The following PEX3 variants were observed in gnomAD, a reference collection of about 807,000 sequenced individuals.
The protein encoded by PEX3 is peroxin-3.
Under a neutral mutation model 55.8 loss-of-function variants are expected in PEX3, and 30 were observed. The ratio of observed to expected loss-of-function variants is 0.54; its 90% confidence interval spans 0.40 to 0.73. The LOEUF (loss-of-function observed/expected upper bound fraction) is 0.73, where lower values mean the gene tolerates loss of function less well. PEX3 is among the 30% of genes least tolerant of loss of function. The pLI, the probability that PEX3 is intolerant of heterozygous loss-of-function variation, is 0.00. For synonymous variants in PEX3, 135 were observed against 148.4 expected (o/e 0.91, Z 0.66); for missense variants, 351 against 432.8 (o/e 0.81, Z 1.68).
chr6:143,484,925 T>C (rs749675078), intron 10 of PEX3: 38 of 501,448 alleles, frequency 7.6e-5, no homozygotes, highest in Non-Finnish European at 1.2e-4. Flanking sequence ...TAGAGGTTTT[T>C]GGTAGACACA....
At chr6:143,478,984 G>T in intron 9 of PEX3, 92 bp from the exon 10 acceptor site, 2 of 733,074 alleles carry the variant, frequency 2.7e-6, no homozygotes, top group Non-Finnish European at 2.5e-6. Context: ...TAGAAATGTT[G>T]GTGGCTTTCA....
chr6:143,478,711 A>C (rs1407822711), intron 9 of PEX3, among the ~76,000 whole-genome samples: 1 of 152,064 alleles, frequency 6.6e-6, no homozygotes, highest in East Asian at 1.9e-4. Context: ...ATCTGTACAC[A>C]ATAATATTTT....
In PEX3 at chr6:143,485,226, A is replaced by G. The variant is rs774875119; in HGVS notation, c.1016A>G (p.Glu339Gly). 2.5e-6 allele frequency: 4 copies of G among 1,591,304 alleles called. No individual in the cohort carries two copies. The highest frequency in any genetic ancestry group is 3.4e-6 in the Non-Finnish European group (4 of 1,159,456). ...GGACAGATCCATTCAGTTTGCAGTG[A>G]AACACCTAGTCATTTTGTTCAGGTA... ...VNGQIHSVCS[E>G]TPSHFVQDLL... The change falls in exon 11 of 12, where the codon GAA becomes GGA. Residue 339 changes from glutamate to glycine, a missense_variant. Glu to Gly is a moderately conservative substitution (Grantham distance 98). Coordinates refer to ENST00000367591, the MANE Select transcript of PEX3 (RefSeq NM_003630.3). This position sits in a 1 kb window ranked among gnomAD's most constrained non-coding sequence, Gnocchi z 5.6.
intron 4 of PEX3, among the ~76,000 whole-genome samples, chr6:143,468,459 C>G (rs557286444): frequency 9.2e-5 from 14 of 152,168 alleles, no homozygotes; most frequent in Non-Finnish European, 1.6e-4. Flanking sequence ...AGTTTTTATT[C>G]CAATCCAGAT....
chr6:143,475,547 G>A lies in PEX3; in HGVS notation c.818+691G>A, dbSNP rs1780140177. Among the ~76,000 whole-genome samples, 1 of 152,148 alleles carries A rather than the reference G, an allele frequency of 6.6e-6. No individual in the cohort carries two copies. The highest frequency in any genetic ancestry group is 2.4e-5 in the African/African-American group (1 of 41,434). On this transcript the variant is annotated intron_variant, in intron 9 of 11. Coordinates refer to ENST00000367591, the MANE Select transcript of PEX3 (RefSeq NM_003630.3). The surrounding 1 kb of genome is among the most constrained non-coding windows in gnomAD (Gnocchi z 4.4). The stretch of plus-strand genomic sequence containing the variant: ...GCACACCTGTGGTCCCAGTTACTTG[G>A]GAGGCTGAGGTGGAAGGATCACCTG...
chr6:143,478,934 G>A, intron 9 of PEX3, 142 bp from the exon 10 acceptor site: 2 of 560,282 alleles, frequency 3.6e-6, no homozygotes, highest in Non-Finnish European at 6.5e-6. Flanking sequence ...ACTTTTTAAA[G>A]ATTGATTTCT....
rs902212069 is a variant in PEX3 at position 143,468,311 on chromosome 6, T to G, written c.331+146T>G. 5 of 615,464 alleles carry G rather than the reference T, an allele frequency of 8.1e-6. No individual in the cohort carries two copies. In the African/African-American group the frequency reaches 9.2e-5, roughly 11 times the overall value. 38.1% of individuals were successfully genotyped at this position (615,464 alleles called of 1,614,324 possible). A position where few individuals can be genotyped will look rare whatever the true frequency, so the allele number is the denominator to read the frequency against. On this transcript the variant is annotated intron_variant, in intron 4 of 11. Coordinates refer to ENST00000367591, the MANE Select transcript of PEX3 (RefSeq NM_003630.3). ...ATATAGTACAGGTAAAGCAAATAGA[T>G]CAATGTCTGGTCATAGAAAGCATTC...
rs764316016 is a variant in PEX3, at chr6:143,471,021, T to C, written c.392T>C (p.Val131Ala). 1.2e-6 allele frequency: 2 copies of C among 1,612,912 alleles called. No homozygotes were observed. The highest frequency in any genetic ancestry group is 2.2e-5 in the South Asian group (2 of 91,074). Reference protein sequence around the residue: ...STCMLVVLLRVQLNIIGGYIY... With the variant: ...STCMLVVLLRAQLNIIGGYIY... ...TGTATGCTGGTTGTTCTTTTGCGGG[T>C]CCAGTTAAACATAATTGGTGGATAT... is the stretch of plus-strand genomic sequence containing the variant. The change falls in exon 5 of 12, where the codon GTC becomes GCC. Residue 131 changes from valine to alanine, a missense_variant. By Grantham distance (64) the Val-to-Ala change is moderately conservative. Transcript: ENST00000367591. This position sits in a 1 kb window ranked among gnomAD's most constrained non-coding sequence, Gnocchi z 5.4.
chr6:143,472,197 G>T lies in PEX3; in HGVS notation c.616G>T (p.Glu206Ter). ...ACATTCTTTGTCCCTTTTGGACTTG[G>T]AGCAAAAACTAAAAGAAATCAGAAA... ...LKHSLSLLDL[E>*]QKLKEIRNLV... The change falls in exon 8 of 12, where the codon GAG becomes TAG. Residue 206 changes from glutamate to a stop codon, truncating the protein, a stop_gained. Transcript: ENST00000367591. LOFTEE classifies it high-confidence loss of function. 6.2e-7 allele frequency: 1 copy of T among 1,610,664 alleles called. No individual in the cohort carries two copies. Among genetic ancestry groups the T allele is most frequent in the Non-Finnish European group, 8.5e-7 (1 of 1,177,246 alleles).
In PEX3 at chr6:143,462,913, C is replaced by T; in HGVS notation, c.206-3C>T. On this transcript the variant is annotated splice_polypyrimidine_tract_variant and splice_region_variant and intron_variant, in intron 2 of 11. Coordinates refer to ENST00000367591, the MANE Select transcript of PEX3 (RefSeq NM_003630.3). This position sits in a 1 kb window ranked among gnomAD's most constrained non-coding sequence, Gnocchi z 4.1. The stretch of plus-strand genomic sequence containing the variant: ...TTTTTTATTTTTTTTGTTTGTATTA[C>T]AGTGCTGTCCATGCTTCCAACACTG... The T allele has an allele frequency of 1.9e-6, 3 of 1,609,744 alleles. No homozygotes were observed. The highest frequency in any genetic ancestry group is 2.6e-6 in the Non-Finnish European group (3 of 1,176,152).
At position 143,485,244 on chromosome 6, in the gene PEX3, T is replaced by A. The variant is rs1333357210; in HGVS notation, c.1034T>A (p.Val345Asp). ...SVCSETPSHF[V>D]QDLLTMEQVK... ...TGCAGTGAAACACCTAGTCATTTTG[T>A]TCAGGTAAGAAGAAAGCTTGGGAGT... The change falls in exon 11 of 12, where the codon GTT (valine) becomes GAT (aspartate). Residue 345 changes from valine to aspartate, a missense_variant. Physicochemically the swap from Val to Asp is radical, Grantham distance 152. Coordinates refer to ENST00000367591, the MANE Select transcript of PEX3 (RefSeq NM_003630.3). This position sits in a 1 kb window ranked among gnomAD's most constrained non-coding sequence, Gnocchi z 5.6. 1 of 1,545,584 alleles carries A rather than the reference T, an allele frequency of 6.5e-7. No homozygotes were observed. The highest frequency in any genetic ancestry group is 1.1e-5 in the South Asian group (1 of 89,738).
intron 1 of PEX3, among the ~76,000 whole-genome samples, chr6:143,456,810 G>A (rs2128745312): frequency 6.6e-6 from 1 of 152,122 alleles, no homozygotes; most frequent in South Asian, 2.1e-4. Flanking sequence ...TTCTTTTTTA[G>A]TTTAGTTAGA....
At chr6:143,484,412 A>G (rs575725643) in intron 10 of PEX3, among the ~76,000 whole-genome samples, 7 of 152,236 alleles carry the variant, frequency 4.6e-5, no homozygotes, top group Admixed American at 1.3e-4. Context: ...AAGATTATTA[A>G]AAGATTTCTT....
chr6:143,462,850 C>A lies in PEX3; in HGVS notation c.206-66C>A, dbSNP rs190260862. 6 of 1,184,676 alleles carry A rather than the reference C, an allele frequency of 5.1e-6. No homozygotes were observed. In the Admixed American group the frequency reaches 5.1e-5, roughly 10 times the overall value. 73.4% of individuals were successfully genotyped at this position (1,184,676 alleles called of 1,614,324 possible). On this transcript the variant is annotated intron_variant, in intron 2 of 11. Transcript: ENST00000367591. The surrounding 1 kb of genome is among the most constrained non-coding windows in gnomAD (Gnocchi z 4.1). Reference sequence around the variant, plus strand: ...CCCTATCATATAGCCTAAAACAATGCGCATTTCTTAGTGAGGGCAGTCATA... The same window carrying A: ...CCCTATCATATAGCCTAAAACAATGAGCATTTCTTAGTGAGGGCAGTCATA...
chr6:143,485,061 C>T lies in PEX3; in HGVS notation c.942-91C>T, dbSNP rs1018609742. The T allele has an allele frequency of 2.6e-6, 2 of 773,996 alleles. No homozygotes were observed. The highest frequency in any genetic ancestry group is 3.4e-5 in the African/African-American group (2 of 57,996). The allele number at this position is 773,996 out of a possible 1,614,324, so 47.9% of individuals were successfully genotyped here. A position where few individuals can be genotyped will look rare whatever the true frequency, so the allele number is the denominator to read the frequency against. On this transcript the variant is annotated intron_variant, in intron 10 of 11. Coordinates refer to ENST00000367591, the MANE Select transcript of PEX3 (RefSeq NM_003630.3). The surrounding 1 kb of genome is among the most constrained non-coding windows in gnomAD (Gnocchi z 5.6). ...TTTTTAATAGATTTCCAAAAATATT[C>T]TACAATGGCTATGTATTACTTTTAT...
rs753829514 is a variant in PEX3 at position 143,464,225 on chromosome 6, A to G, written c.287+1228A>G. ...TTTTAATTTCCTTTTTGTCATGATG[A>G]GAAGGCAAGACAAGTTAAATAAGTG... On this transcript the variant is annotated intron_variant, in intron 3 of 11. Coordinates refer to ENST00000367591, the MANE Select transcript of PEX3 (RefSeq NM_003630.3). This position sits in a 1 kb window ranked among gnomAD's most constrained non-coding sequence, Gnocchi z 5.8. Among the ~76,000 whole-genome samples the G allele has an allele frequency of 1.9e-4, 29 of 152,118 alleles. No homozygotes were observed. The highest frequency in any genetic ancestry group is 3.4e-4 in the Non-Finnish European group (23 of 67,970).
chr6:143,453,325 C>T lies in PEX3; in HGVS notation c.73+2210C>T, dbSNP rs78684160. 0.011 allele frequency among the ~76,000 whole-genome samples: 1,725 copies of T among 152,206 alleles called. 26 individuals carry two copies. Among genetic ancestry groups the T allele is most frequent in the African/African-American group, 0.039 (1,621 of 41,502 alleles). On this transcript the variant is annotated intron_variant, in intron 1 of 11. Transcript: ENST00000367591. This position sits in a 1 kb window ranked among gnomAD's most constrained non-coding sequence, Gnocchi z 4.6. Reference sequence around the variant, plus strand: ...GCTGGGTAGTATATCAACAGGCATGCGCAGAGAAGTTTGGGCATTCAATAG... The same window carrying T: ...GCTGGGTAGTATATCAACAGGCATGTGCAGAGAAGTTTGGGCATTCAATAG...
chr6:143,453,489 G>A lies in PEX3; in HGVS notation c.73+2374G>A, dbSNP rs1282581626. 6.6e-6 allele frequency among the ~76,000 whole-genome samples: 1 copy of A among 151,942 alleles called. No individual in the cohort carries two copies. Among genetic ancestry groups the A allele is most frequent in the Non-Finnish European group, 1.5e-5 (1 of 67,940 alleles). ...CAGTTTGGGGGGTTTGGGTGTGTTC[G>A]GGTTTTGTGTTTTTTTGTTTTTTTG... is the stretch of plus-strand genomic sequence containing the variant. On this transcript the variant is annotated intron_variant, in intron 1 of 11. Transcript: ENST00000367591. This position sits in a 1 kb window ranked among gnomAD's most constrained non-coding sequence, Gnocchi z 4.6.
At chr6:143,473,615 A>G (rs1394909833) in intron 8 of PEX3, among the ~76,000 whole-genome samples, 2 of 152,146 alleles carry the variant, frequency 1.3e-5, no homozygotes, top group Admixed American at 1.3e-4. Flanking sequence ...GATAAAAGAA[A>G]AAAGCATAGG....
Sources: gnomAD v4.1 joint callset for allele counts (sites outside exome capture counted in the v4.1 genomes callset) on GRCh38, gnomAD v4.1.1 for gene constraint, Gnocchi (gnomAD v3.1) non-coding constraint, MANE v1.5 for transcripts, NCBI Gene and HGNC (gene_info 2026-07-23, HGNC 2026-07-21) for gene names.